Variants in SYCP1 observed in about 807,000 individuals in gnomAD.
The protein encoded by SYCP1 is cancer/testis antigen 8.
A neutral mutation model predicts 153.1 loss-of-function variants in SYCP1; 64 were observed. The ratio of observed to expected loss-of-function variants is 0.42; its 90% CI spans 0.34 to 0.51. The LOEUF (loss-of-function observed/expected upper bound fraction) is 0.51, where lower values mean the gene tolerates loss of function less well. Ranked by LOEUF, SYCP1 falls within the 20% of genes least tolerant of loss-of-function variation. The pLI, the probability that SYCP1 is intolerant of heterozygous loss-of-function variation, is 0.06. For synonymous variants in SYCP1, 384 were observed against 341.8 expected (o/e 1.12, Z -1.36); for missense variants, 997 against 1,049.0 (o/e 0.95, Z 0.68).
chr1:114,946,566 C>G (rs533606605), intron 26 of SYCP1, among the ~76,000 whole-genome samples, 185 bp downstream of exon 26: 1 of 151,766 alleles, frequency 6.6e-6, no homozygotes. Flanking sequence ...AATAGTGGAA[C>G]AAACTATTTT....
intron 8 of SYCP1, among the ~76,000 whole-genome samples, chr1:114,865,440 C>T (rs1385535005): frequency 6.6e-6 from 1 of 152,176 alleles, no homozygotes; most frequent in Non-Finnish European, 1.5e-5. Flanking sequence ...AGTCAGCTCA[C>T]TTAGGTTTAG....
intron 8 of SYCP1, among the ~76,000 whole-genome samples, chr1:114,862,077 A>G (rs970502374): frequency 2.0e-5 from 3 of 152,022 alleles, no homozygotes; most frequent in Non-Finnish European, 4.4e-5. Flanking sequence ...CTGGGATTAC[A>G]GGCATGAGCC....
chr1:114,856,882 T>A, intron 3 of SYCP1, among the ~76,000 whole-genome samples: 1 of 119,756 alleles, frequency 8.4e-6, no homozygotes, highest in Admixed American at 1.2e-4. Context: ...GCCAGGTGTT[T>A]GAGACCAGCC....
chr1:114,887,783 CT>C (rs1666415892), intron 15 of SYCP1, 90 bp downstream of exon 15: 1 of 832,538 alleles, frequency 1.2e-6, no homozygotes, highest in Non-Finnish European at 1.7e-6. Context: ...ATAATTTCCC[CT>C]CTGTCATTTG....
At chr1:114,864,223 G>A (rs577246024) in intron 8 of SYCP1, among the ~76,000 whole-genome samples, 4 of 152,196 alleles carry the variant, frequency 2.6e-5, no homozygotes, top group African/African-American at 9.6e-5. Context: ...ACTGCTTAAG[G>A]AGAGAATATT....
intron 23 of SYCP1, among the ~76,000 whole-genome samples, chr1:114,932,597 G>T (rs1669705776): frequency 1.3e-5 from 2 of 152,202 alleles, no homozygotes; most frequent in African/African-American, 2.4e-5. Context: ...CTGAAGCAGG[G>T]TAGGGCATCG....
At chr1:114,908,979 G>T (rs1171714801) in intron 16 of SYCP1, among the ~76,000 whole-genome samples, 1 of 152,038 alleles carries the variant, frequency 6.6e-6, no homozygotes, top group Non-Finnish European at 1.5e-5. Context: ...AAATGTTTTT[G>T]TTTTATCTAT....
chr1:114,985,236 T>C (rs1673422418), intron 30 of SYCP1, among the ~76,000 whole-genome samples: 1 of 151,944 alleles, frequency 6.6e-6, no homozygotes, highest in Non-Finnish European at 1.5e-5. Context: ...TATTTAGGCG[T>C]CCCCTCTATT....
At chr1:114,887,901 T>C (rs1666424318) in intron 15 of SYCP1, among the ~76,000 whole-genome samples, 1 of 152,034 alleles carries the variant, frequency 6.6e-6, no homozygotes, top group South Asian at 2.1e-4. Flanking sequence ...TTAATAGATA[T>C]TTAGAAGTGT....
chr1:114,870,189 T>G (rs145138333), intron 8 of SYCP1, among the ~76,000 whole-genome samples: 1 of 152,178 alleles, frequency 6.6e-6, no homozygotes, highest in African/African-American at 2.4e-5. Flanking sequence ...AATTTTTCTA[T>G]TTTTTGTAGA....
At chr1:114,927,310 C>T (rs1669323365) in intron 23 of SYCP1, among the ~76,000 whole-genome samples, 1 of 151,904 alleles carries the variant, frequency 6.6e-6, no homozygotes, top group African/African-American at 2.4e-5. Context: ...GAGAAAGGTA[C>T]AAAAATATTC....
At chr1:114,949,044 A>T (rs1415924050) in intron 27 of SYCP1, among the ~76,000 whole-genome samples, 1 of 152,208 alleles carries the variant, frequency 6.6e-6, no homozygotes, top group East Asian at 1.9e-4. Context: ...GCTCAATCAA[A>T]GCAAGGGAGC....
chr1:114,942,804 T>C (rs1194575833), intron 23 of SYCP1, among the ~76,000 whole-genome samples: 1 of 152,064 alleles, frequency 6.6e-6, no homozygotes, highest in East Asian at 1.9e-4. Flanking sequence ...AACACAACCA[T>C]ATTTGAAAAT....
chr1:114,949,897 C>T (rs922009955), intron 27 of SYCP1, among the ~76,000 whole-genome samples: 4 of 152,210 alleles, frequency 2.6e-5, no homozygotes, highest in South Asian at 4.2e-4. Flanking sequence ...CCATTTACAT[C>T]GTATTGTGTT....
chr1:114,917,296 T>C (rs1034219796), intron 20 of SYCP1, among the ~76,000 whole-genome samples: 1 of 152,180 alleles, frequency 6.6e-6, no homozygotes, highest in Non-Finnish European at 1.5e-5. Flanking sequence ...TCCAGTTCCA[T>C]CTATGCTGTT....
chr1:114,941,804 C>T (rs1056993897), intron 23 of SYCP1, among the ~76,000 whole-genome samples: 6 of 152,052 alleles, frequency 3.9e-5, no homozygotes, highest in Non-Finnish European at 7.4e-5. Context: ...AGTCCATGCA[C>T]AAGTACTTAA....
intron 28 of SYCP1, among the ~76,000 whole-genome samples, chr1:114,980,409 G>A (rs934475614): frequency 6.6e-6 from 1 of 151,882 alleles, no homozygotes; most frequent in African/African-American, 2.4e-5. Flanking sequence ...TTGAAAAAAT[G>A]TCAAGTATTT....
intron 29 of SYCP1, among the ~76,000 whole-genome samples, chr1:114,983,066 T>C (rs1402121869): frequency 6.6e-6 from 1 of 152,000 alleles, no homozygotes; most frequent in African/African-American, 2.4e-5. Flanking sequence ...GTCTCTATTA[T>C]ATGTGTATAA....
At chr1:114,959,759 A>G (rs1036214844) in intron 27 of SYCP1, among the ~76,000 whole-genome samples, 2 of 151,406 alleles carry the variant, frequency 1.3e-5, no homozygotes, top group South Asian at 2.1e-4. Flanking sequence ...CCAGCCTCTG[A>G]TAATCATCCT....
Sources: allele counts gnomAD v4.1 joint callset (sites outside exome capture counted in the v4.1 genomes callset), GRCh38; gene constraint gnomAD v4.1.1; transcripts MANE v1.5; gene names NCBI Gene and HGNC (gene_info 2026-07-23, HGNC 2026-07-21).